Variants in METTL25 observed in about 807,000 individuals in gnomAD.
METTL25 encodes probable methyltransferase-like protein 25.
A neutral mutation model predicts 71.6 loss-of-function variants in METTL25; 64 were observed. The ratio of observed to expected loss-of-function variants is 0.89; its 90% CI spans 0.73 to 1.10. The LOEUF (loss-of-function observed/expected upper bound fraction) is 1.10, where lower values mean the gene tolerates loss of function less well. Ranked by LOEUF, METTL25 falls within the 50% of genes least tolerant of loss-of-function variation. The probability of loss-of-function intolerance (pLI) is 0.00; values close to 1 mark genes in which losing one functional copy is unlikely to be tolerated. For synonymous variants in METTL25, 287 were observed against 250.3 expected (o/e 1.15, Z -1.38); for missense variants, 807 against 707.0 (o/e 1.14, Z -1.60).
At chr12:82,459,299 A>C (rs1032229771) in intron 9 of METTL25, among the ~76,000 whole-genome samples, 2 of 152,184 alleles carry the variant, frequency 1.3e-5, no homozygotes, top group Non-Finnish European at 2.9e-5. Flanking sequence ...GAAATTTTTA[A>C]AAAGAGCTAA....
chr12:82,443,810 T>C (rs1291078425), intron 8 of METTL25, among the ~76,000 whole-genome samples: 1 of 34,002 alleles, frequency 2.9e-5, no homozygotes, highest in African/African-American at 5.6e-5. Context: ...TGGAAACTAA[T>C]AGAGCAAGAA....
intron 1 of METTL25, among the ~76,000 whole-genome samples, chr12:82,364,110 T>C (rs1285506472): frequency 6.6e-6 from 1 of 152,240 alleles, no homozygotes; most frequent in Non-Finnish European, 1.5e-5. Context: ...CTATACTATC[T>C]CATCAGTTTT....
chr12:82,389,224 A>G (rs1187024665), intron 2 of METTL25, among the ~76,000 whole-genome samples: 1 of 152,126 alleles, frequency 6.6e-6, no homozygotes, highest in Middle Eastern at 3.2e-3. Context: ...TGCTCAGTAC[A>G]GTAGAAACTA....
At chr12:82,387,562 C>G (rs919394605) in intron 2 of METTL25, among the ~76,000 whole-genome samples, 1 of 151,522 alleles carries the variant, frequency 6.6e-6, no homozygotes, top group Non-Finnish European at 1.5e-5. Context: ...CTTATTTGAT[C>G]CTTATTTTTC....
At position 82,479,095 on chromosome 12, in the gene METTL25, A is replaced by AT; in HGVS notation, c.*72dup. 7.7e-7 allele frequency: 1 copy of AT among 1,294,860 alleles called. No homozygotes were observed. Among genetic ancestry groups the AT allele is most frequent in the Non-Finnish European group, 1.1e-6 (1 of 902,456 alleles). The allele number at this position is 1,294,860 out of a possible 1,614,324, so 80.2% of individuals were successfully genotyped here. A position where few individuals can be genotyped will look rare whatever the true frequency, so the allele number is the denominator to read the frequency against. On this transcript the variant is annotated 3_prime_UTR_variant, in exon 12 of 12. Transcript: ENST00000248306. ...TTGCTGAGATTGCTTTTCTAAACAT[A>AT]TATGTCCTGTTATACAAAAATTTTT...
Position 82,403,077 on chromosome 12 carries a change from G to T in METTL25, c.1226G>T (p.Ser409Ile). 1.2e-6 allele frequency: 2 copies of T among 1,613,506 alleles called. No individual in the cohort carries two copies. Among genetic ancestry groups the T allele is most frequent in the East Asian group, 4.5e-5 (2 of 44,810 alleles). Residue 409 changes from serine (S) to isoleucine (I), a missense_variant, in exon 5 of 12, where the codon AGT (serine) becomes ATT (isoleucine). Physicochemically the swap from Ser to Ile is moderately radical, Grantham distance 142 (BLOSUM62 -2). Transcript: ENST00000248306. ...TSNSEIKGVC[S>I]VGCCYHLLSE... ...AACTCTGAAATCAAGGGAGTTTGCA[G>T]TGTGGGTTGTTGCTACCACCTCTTA...
intron 9 of METTL25, among the ~76,000 whole-genome samples, chr12:82,460,980 A>G (rs199668500): frequency 1.3e-5 from 2 of 152,120 alleles, no homozygotes; most frequent in South Asian, 4.1e-4. Context: ...CATCTCTACT[A>G]AAACTACAAA....
At chr12:82,370,983 C>T (rs1435694397) in intron 1 of METTL25, among the ~76,000 whole-genome samples, 1 of 152,194 alleles carries the variant, frequency 6.6e-6, no homozygotes, top group African/African-American at 2.4e-5. Flanking sequence ...TGGGGGTTCC[C>T]CCAGAGGTTA....
At chr12:82,447,783 CAT>C (rs1890860709) in intron 8 of METTL25, among the ~76,000 whole-genome samples, 1 of 152,062 alleles carries the variant, frequency 6.6e-6, no homozygotes, top group African/African-American at 2.4e-5. Context: ...ATGCCTTACA[CAT>C]GTTTTGTAAA....
At chr12:82,428,315 G>A (rs577466762) in intron 5 of METTL25, among the ~76,000 whole-genome samples, 15 of 151,924 alleles carry the variant, frequency 9.9e-5, no homozygotes, top group African/African-American at 2.7e-4. Flanking sequence ...AGGAGAGAAC[G>A]GATGGGTAAA....
chr12:82,422,751 A>C (rs1052273263), intron 5 of METTL25, among the ~76,000 whole-genome samples: 5 of 152,188 alleles, frequency 3.3e-5, no homozygotes, highest in African/African-American at 7.2e-5. Flanking sequence ...ATACACCAAT[A>C]ACAGACAAAC....
In METTL25 at chr12:82,386,905, G is replaced by T; in HGVS notation, c.362G>T (p.Gly121Val). 6.2e-7 allele frequency: 1 copy of T among 1,613,422 alleles called. No individual in the cohort carries two copies. The highest frequency in any genetic ancestry group is 8.5e-7 in the Non-Finnish European group (1 of 1,179,616). The change falls in exon 2 of 12, where the codon GGA becomes GTA. Residue 121 changes from glycine (G) to valine (V), a missense_variant. Coordinates refer to ENST00000248306, the MANE Select transcript of METTL25 (RefSeq NM_032230.3). ...AAKYYSVQNL[G>V]ICTPFEQLLV... ...AAATACTATTCTGTACAAAACTTGG[G>T]AATATGTACTCCTTTTGAACAGTTG...
chr12:82,399,544 C>T, intron 4 of METTL25, 150 bp downstream of exon 4: 1 of 663,236 alleles, frequency 1.5e-6, no homozygotes, highest in South Asian at 2.1e-5. Flanking sequence ...ATTATTCCCA[C>T]ACCCATCAAA....
intron 3 of METTL25, among the ~76,000 whole-genome samples, chr12:82,394,852 G>A (rs1259165671): frequency 1.3e-5 from 2 of 151,842 alleles, no homozygotes; most frequent in Admixed American, 1.3e-4. Context: ...CCTTCGGGAG[G>A]TAAGCTATCC....
intron 1 of METTL25, among the ~76,000 whole-genome samples, chr12:82,371,279 C>T (rs1883205208): frequency 6.6e-6 from 1 of 152,164 alleles, no homozygotes; most frequent in Non-Finnish European, 1.5e-5. Context: ...GAGCTGGTGC[C>T]TGCCCCAGGC....
intron 5 of METTL25, among the ~76,000 whole-genome samples, chr12:82,407,543 G>A (rs1002935802): frequency 6.6e-6 from 1 of 152,094 alleles, no homozygotes; most frequent in Non-Finnish European, 1.5e-5. Context: ...GGCTTCAGTG[G>A]GGAAAGCTAA....
Position 82,467,482 on chromosome 12 carries a change from T to G in METTL25, c.1573-9162T>G, listed in dbSNP as rs145514684. Among the ~76,000 whole-genome samples, 1,506 of 152,268 alleles carry G rather than the reference T, an allele frequency of 9.9e-3. 23 individuals carry two copies. The highest frequency in any genetic ancestry group is 0.034 in the African/African-American group (1,421 of 41,566). On this transcript the variant is annotated intron_variant, in intron 9 of 11. Transcript: ENST00000248306. ...CTAAGGGCGATGAATTCTCTTAGTT[T>G]TTACTTATCTGTGATCTGTGAAATA...
At chr12:82,361,508 G>A (rs1179883996) in intron 1 of METTL25, among the ~76,000 whole-genome samples, 2 of 152,130 alleles carry the variant, frequency 1.3e-5, no homozygotes, top group African/African-American at 4.8e-5. Flanking sequence ...AGGAGCCCAC[G>A]GTGGGGGGGA....
At chr12:82,457,234 A>G (rs1006054819) in intron 9 of METTL25, among the ~76,000 whole-genome samples, 1 of 151,960 alleles carries the variant, frequency 6.6e-6, no homozygotes, top group African/African-American at 2.4e-5. Context: ...AAAAGTTGTA[A>G]TATCATAGGA....
Sources: gnomAD v4.1 joint callset for allele counts (sites outside exome capture counted in the v4.1 genomes callset) on GRCh38, gnomAD v4.1.1 for gene constraint, MANE v1.5 for transcripts, NCBI Gene and HGNC (gene_info 2026-07-23, HGNC 2026-07-21) for gene names.